The following FBXO43 variants were observed in gnomAD, a reference collection of about 807,000 sequenced individuals.
FBXO43 encodes F-box only protein 43.
A neutral mutation model predicts 56.7 loss-of-function variants in FBXO43; 22 were observed. The ratio of observed to expected loss-of-function variants is 0.39; its 90% CI spans 0.28 to 0.55. The LOEUF is 0.55. FBXO43 is among the 20% of genes least tolerant of loss of function. FBXO43 has a pLI of 0.66. For synonymous variants in FBXO43, 306 were observed against 294.5 expected, an observed-to-expected ratio of 1.04 and a Z score of -0.40; for missense variants, 733 against 814.9, an observed-to-expected ratio of 0.90 and a Z score of 1.22.
In FBXO43 at chr8:100,145,538, G is replaced by A. The variant is rs1449566748; in HGVS notation, c.-403C>T. 1 of 157,380 alleles carries A rather than the reference G, an allele frequency of 6.4e-6. No homozygotes were observed. 9.7% of individuals were successfully genotyped at this position (157,380 alleles called of 1,614,324 possible). On this transcript the variant is annotated 5_prime_UTR_variant, in exon 1 of 5. Coordinates refer to ENST00000428847, the MANE Select transcript of FBXO43 (RefSeq NM_001029860.4). The stretch of plus-strand genomic sequence containing the variant: ...GCGTCACCAGGAGCGGAGGAGTGAG[G>A]GCTGCCGCGCGCCTCCCTAGGCCCA...
At chr8:100,142,449 T>C (rs1395294607) in intron 1 of FBXO43, among the ~76,000 whole-genome samples, 1 of 152,198 alleles carries the variant, frequency 6.6e-6, no homozygotes, top group Admixed American at 6.5e-5. Flanking sequence ...TTTATTGAGC[T>C]ACCCTAAAGA....
chr8:100,142,225 AC>A (rs1449707628), intron 1 of FBXO43, 57 bp from the exon 2 acceptor site: 1 of 1,411,128 alleles, frequency 7.1e-7, no homozygotes, highest in Non-Finnish European at 9.4e-7. Context: ...GGCAGCTTAT[AC>A]CAAAATACAT....
At chr8:100,134,586 T>C (rs1814413620) in intron 3 of FBXO43, among the ~76,000 whole-genome samples, 1 of 152,074 alleles carries the variant, frequency 6.6e-6, no homozygotes, top group African/African-American at 2.4e-5. Context: ...AAAATTTAAA[T>C]TAAATTCTTC....
At chr8:100,144,020 A>G (rs1814739828) in intron 1 of FBXO43, among the ~76,000 whole-genome samples, 1 of 152,064 alleles carries the variant, frequency 6.6e-6, no homozygotes, top group African/African-American at 2.4e-5. Context: ...GATCCACCCA[A>G]CCTTGGCCTC....
chr8:100,148,531 C>T (rs1814868716), upstream of FBXO43, among the ~76,000 whole-genome samples: 1 of 152,210 alleles, frequency 6.6e-6, no homozygotes, highest in African/African-American at 2.4e-5. Context: ...TGCACCTCAG[C>T]CTTCCAAGTA....
chr8:100,144,378 A>G (rs1352606955), intron 1 of FBXO43, among the ~76,000 whole-genome samples: 1 of 151,936 alleles, frequency 6.6e-6, no homozygotes, highest in Admixed American at 6.6e-5. Flanking sequence ...TCATCTACAC[A>G]CTTGAAGTTG....
In FBXO43 at chr8:100,141,319, A is replaced by G. The variant is rs746630291; in HGVS notation, c.935T>C (p.Phe312Ser). ...PISNLVANIR[F>S]NASQILSPSP... ...AGGAGAAAGTATTTGACTTGCGTTA[A>G]ATCTAATGTTTGCCACAAGATTACT... Residue 312 changes from phenylalanine (F) to serine (S), a missense_variant, in exon 2 of 5, where the codon TTT (phenylalanine) becomes TCT (serine). Phe to Ser is a radical substitution (Grantham distance 155). Coordinates refer to ENST00000428847, the MANE Select transcript of FBXO43 (RefSeq NM_001029860.4). The G allele has an allele frequency of 1.5e-5, 25 of 1,613,866 alleles. 1 individual carries two copies. In the South Asian group the frequency reaches 2.7e-4, roughly 18 times the overall value.
chr8:100,140,682 C>T lies in FBXO43; in HGVS notation c.1571+1G>A. 6.4e-7 allele frequency: 1 copy of T among 1,562,996 alleles called. No homozygotes were observed. The highest frequency in any genetic ancestry group is 1.4e-5 in the African/African-American group (1 of 72,386). Reference sequence around the variant, plus strand: ...TTTCATAAACAACTCTTACTTCTTACCTGCATAGGCTCTCTGCGGTCAAGG... The same window carrying T: ...TTTCATAAACAACTCTTACTTCTTATCTGCATAGGCTCTCTGCGGTCAAGG... On this transcript the variant is annotated splice_donor_variant, in intron 2 of 4. Transcript: ENST00000428847. LOFTEE classifies it high-confidence loss of function.
In FBXO43 at chr8:100,141,715, A is replaced by G; in HGVS notation, c.539T>C (p.Ile180Thr). ...ESQNSSLESS[I>T]SQVINLEKNI... is the part of the protein sequence containing the mutation. ...TTTTTCTAAGTTGATAACTTGGCTT[A>G]TACTACTTTCTAAAGAACTATTTTG... The change falls in exon 2 of 5, where the codon ATA becomes ACA. Residue 180 changes from isoleucine to threonine, a missense_variant. Coordinates refer to ENST00000428847, the MANE Select transcript of FBXO43 (RefSeq NM_001029860.4). The G allele has an allele frequency of 1.2e-6, 2 of 1,606,766 alleles. No homozygotes were observed. Among genetic ancestry groups the G allele is most frequent in the Non-Finnish European group, 1.7e-6 (2 of 1,175,344 alleles).
intron 2 of FBXO43, among the ~76,000 whole-genome samples, chr8:100,138,807 G>C (rs1814552011): frequency 1.3e-5 from 2 of 152,158 alleles, no homozygotes; most frequent in Non-Finnish European, 2.9e-5. Flanking sequence ...GGAGGCCAAG[G>C]CAGGAGGATT....
Position 100,141,765 on chromosome 8 carries a change from A to G in FBXO43, c.489T>C (p.Ala163=). Residue 163 remains alanine, a synonymous_variant, in exon 2 of 5, where the codon GCT becomes GCC. Transcript: ENST00000428847. ...GTGATTCAAAGTCCCCTTTTAGAAG[A>G]GCGAAAGATACATTCAACCTTCTGC... ...LPRRRLNVSF[A]LLKGDFESQN... The G allele has an allele frequency of 6.3e-7, 1 of 1,590,368 alleles. No homozygotes were observed. The highest frequency in any genetic ancestry group is 8.6e-7 in the Non-Finnish European group (1 of 1,168,782).
chr8:100,141,587 A>T lies in FBXO43; in HGVS notation c.667T>A (p.Leu223Met), dbSNP rs548582194. The T allele has an allele frequency of 4.3e-6, 7 of 1,612,140 alleles. No homozygotes were observed. The South Asian group carries it at 7.7e-5, about 18-fold the overall frequency. ...TTTTGCTGAGAAAAATTAAGCCTCA[A>T]TTTTTGACTGCATGAAGTCACTTCT... ...TEEVTSCSQK[L>M]RLNFSQQKTS... Residue 223 changes from leucine to methionine, a missense_variant, in exon 2 of 5, where the codon TTG (leucine) becomes ATG (methionine). Leu to Met is a conservative substitution (Grantham distance 15). Coordinates refer to ENST00000428847, the MANE Select transcript of FBXO43 (RefSeq NM_001029860.4).
At chr8:100,137,382 G>A (rs374325535) in intron 3 of FBXO43, 183 bp downstream of exon 3, 3 of 517,052 alleles carry the variant, frequency 5.8e-6, no homozygotes, top group Admixed American at 3.7e-5. Flanking sequence ...TTGATGCTAT[G>A]TTGTTTATTC....
At chr8:100,148,730 G>A (rs980637648), upstream of FBXO43, among the ~76,000 whole-genome samples, 1 of 150,800 alleles carries the variant, frequency 6.6e-6, no homozygotes, top group Non-Finnish European at 1.5e-5. Flanking sequence ...TTCCTTTCTT[G>A]CATTGGGTGT....
rs776422566 is a variant in FBXO43, at chr8:100,140,891, T to C, written c.1363A>G (p.Arg455Gly). ...LVHELFMKSK[R>G]KRLQENSGHE... ...CCACTATTTTCCTGTAATCTTTTCCTCTTGCTTTTCATGAACAGCTCATGT... is the reference window on the plus strand; with the variant it reads ...CCACTATTTTCCTGTAATCTTTTCCCCTTGCTTTTCATGAACAGCTCATGT... The change falls in exon 2 of 5, where the codon AGG (arginine) becomes GGG (glycine). Residue 455 changes from arginine to glycine, a missense_variant. Physicochemically the swap from Arg to Gly is moderately radical, Grantham distance 125. Transcript: ENST00000428847. The C allele has an allele frequency of 6.2e-7, 1 of 1,614,188 alleles. No homozygotes were observed. The highest frequency in any genetic ancestry group is 8.5e-7 in the Non-Finnish European group (1 of 1,180,034).
At chr8:100,147,167 C>G (rs759887946), upstream of FBXO43, among the ~76,000 whole-genome samples, 2 of 151,052 alleles carry the variant, frequency 1.3e-5, no homozygotes, top group Non-Finnish European at 2.9e-5. Context: ...TATTAAATTC[C>G]AACTATGTGC....
In FBXO43 at chr8:100,133,937, A is replaced by C. The variant is rs752838872; in HGVS notation, c.1992T>G (p.Gly664=). Residue 664 remains glycine, a synonymous_variant, in exon 5 of 5, where the codon GGT becomes GGG. Coordinates refer to ENST00000428847, the MANE Select transcript of FBXO43 (RefSeq NM_001029860.4). Reference sequence around the variant, plus strand: ...ACAGACATAACACACAAAAGTCAAAACCACAGGCTGTTCGGCTACACAGTC... The same window carrying C: ...ACAGACATAACACACAAAAGTCAAACCCACAGGCTGTTCGGCTACACAGTC... The part of the protein sequence containing the change: ...KRGLCSRTAC[G]FDFCVLCLCA... 1.2e-6 allele frequency: 2 copies of C among 1,614,080 alleles called. No individual in the cohort carries two copies. The highest frequency in any genetic ancestry group is 2.2e-5 in the South Asian group (2 of 91,068).
In FBXO43 at chr8:100,140,711, C is replaced by T; in HGVS notation, c.1543G>A (p.Glu515Lys). Reference protein sequence around the residue: ...NLKHILAMVLESLTAESLCSV... With the variant: ...NLKHILAMVLKSLTAESLCSV... ...CATAGGCTCTCTGCGGTCAAGGACT[C>T]TAAAACCATAGCAAGAATATGCTTT... Residue 515 changes from glutamate to lysine, a missense_variant, in exon 2 of 5, where the codon GAG (glutamate) becomes AAG (lysine). By Grantham distance (56) the Glu-to-Lys change is moderately conservative (BLOSUM62 1). Transcript: ENST00000428847. 6.2e-7 allele frequency: 1 copy of T among 1,610,070 alleles called. No individual in the cohort carries two copies. Among genetic ancestry groups the T allele is most frequent in the South Asian group, 1.1e-5 (1 of 89,968 alleles).
At chr8:100,143,256 C>A (rs1026833286) in intron 1 of FBXO43, among the ~76,000 whole-genome samples, 4 of 152,152 alleles carry the variant, frequency 2.6e-5, no homozygotes, top group Non-Finnish European at 4.4e-5. Flanking sequence ...AAGTTTTCTC[C>A]AGGACAAATG....
Sources: allele counts gnomAD v4.1 joint callset (sites outside exome capture counted in the v4.1 genomes callset), GRCh38; gene constraint gnomAD v4.1.1; transcripts MANE v1.5; gene names NCBI Gene and HGNC (gene_info 2026-07-23, HGNC 2026-07-21).